The following NIPBL variants were observed in gnomAD, a reference collection of about 807,000 sequenced individuals.
NIPBL encodes NIPBL cohesin loading factor.
A neutral mutation model predicts 321.8 loss-of-function variants in NIPBL; 19 were observed. The ratio of observed to expected loss-of-function variants is 0.06; its 90% CI spans 0.04 to 0.09. The LOEUF is 0.09. Among genes scored for constraint, NIPBL ranks in the 10% least tolerant of loss-of-function variants. The pLI, the probability that NIPBL is intolerant of heterozygous loss-of-function variation, is 1.00. For synonymous variants in NIPBL, 1,106 were observed against 1,114.1 expected (o/e 0.99, Z 0.14); for missense variants, 2,210 against 3,327.0 (o/e 0.66, Z 8.26).
chr5:36,924,266 AATT>A (rs1316296279), intron 1 of NIPBL, among the ~76,000 whole-genome samples: 31 of 152,210 alleles, frequency 2.0e-4, no homozygotes, highest in Non-Finnish European at 4.3e-4. Context: ...ATAAATTATT[AATT>A]ATGGATGATT....
chr5:37,063,743 C>T, intron 45 of NIPBL, 47 bp from the exon 46 acceptor site: 1 of 1,547,242 alleles, frequency 6.5e-7, no homozygotes, highest in Non-Finnish European at 8.8e-7. Context: ...GACAATCTTG[C>T]TTGAAATATT....
intron 11 of NIPBL, among the ~76,000 whole-genome samples, chr5:36,998,160 T>G (rs893666698): frequency 6.6e-6 from 1 of 152,080 alleles, no homozygotes; most frequent in Non-Finnish European, 1.5e-5. Flanking sequence ...TACCTCTCTT[T>G]TGAGTCCTTT....
intron 20 of NIPBL, 86 bp from the exon 21 acceptor site, chr5:37,010,001 A>G (rs1018862637): frequency 9.7e-7 from 1 of 1,032,706 alleles, no homozygotes; most frequent in Non-Finnish European, 1.5e-6. Context: ...ATTGGCAAAC[A>G]CAGTATCGTG....
intron 1 of NIPBL, among the ~76,000 whole-genome samples, chr5:36,892,767 A>G (rs975835048): frequency 6.6e-6 from 1 of 151,952 alleles, no homozygotes; most frequent in Non-Finnish European, 1.5e-5. Flanking sequence ...GAGGGGGAAC[A>G]TCACACACCA....
At position 37,066,390 on chromosome 5, in the gene NIPBL, C is replaced by T. The variant is rs1466831765; in HGVS notation, c.*1498C>T. On this transcript the variant is annotated 3_prime_UTR_variant, in exon 47 of 47. Coordinates refer to ENST00000282516, the MANE Select transcript of NIPBL (RefSeq NM_133433.4). The stretch of plus-strand genomic sequence containing the variant: ...TGCCACAAAATACCTTTTTGTGACA[C>T]CTATTAAACCACTATGAAAATAACT... 6.6e-6 allele frequency: 1 copy of T among 152,124 alleles called. No individual in the cohort carries two copies. Among genetic ancestry groups the T allele is most frequent in the Non-Finnish European group, 1.5e-5 (1 of 68,016 alleles). The allele number at this position is 152,124 out of a possible 1,614,324, so 9.4% of individuals were successfully genotyped here.
intron 6 of NIPBL, among the ~76,000 whole-genome samples, chr5:36,970,411 CTATATA>C (rs34663125): frequency 7.0e-6 from 1 of 143,586 alleles, no homozygotes; most frequent in Admixed American, 7.0e-5. Context: ...GAATTTAAAA[CTATATA>C]TATATATATA....
intron 1 of NIPBL, among the ~76,000 whole-genome samples, chr5:36,900,691 G>GT (rs537917692): frequency 1.8e-4 from 28 of 151,534 alleles, no homozygotes; most frequent in Non-Finnish European, 1.0e-4. Flanking sequence ...GTTTTGTTTT[G>GT]TTTTTTTAAT....
intron 40 of NIPBL, among the ~76,000 whole-genome samples, chr5:37,049,579 T>A (rs895651519): frequency 4.6e-5 from 7 of 152,252 alleles, no homozygotes; most frequent in Admixed American, 4.6e-4. Context: ...TTTGTTTTAA[T>A]TCATATTTAC....
At position 36,970,916 on chromosome 5, in the gene NIPBL, C is replaced by T. The variant is rs776772068; in HGVS notation, c.651C>T (p.Asn217=). The T allele has an allele frequency of 2.5e-6, 4 of 1,613,600 alleles. No homozygotes were observed. In the African/African-American group the frequency reaches 5.3e-5, roughly 22 times the overall value. The change falls in exon 7 of 47, where the codon AAC becomes AAT. Residue 217 remains asparagine (N), a synonymous_variant. Transcript: ENST00000282516. ...CCATTGTTGCAGGTGGTTTGAGAAA[C>T]ATACATGATAATAAAGTTTCTGGTC... The part of the protein sequence containing the change: ...SSPIVAGGLR[N]IHDNKVSGPL...
At chr5:36,918,499 A>G (rs1748658487) in intron 1 of NIPBL, among the ~76,000 whole-genome samples, 1 of 152,032 alleles carries the variant, frequency 6.6e-6, no homozygotes, top group South Asian at 2.1e-4. Flanking sequence ...CTCTTTTCCT[A>G]ATTGAATACC....
At chr5:36,956,085 G>T (rs1309586148) in intron 3 of NIPBL, among the ~76,000 whole-genome samples, 1 of 149,778 alleles carries the variant, frequency 6.7e-6, no homozygotes, top group Non-Finnish European at 1.5e-5. Flanking sequence ...AAAAAAATTA[G>T]CCAGGCGTGG....
intron 6 of NIPBL, among the ~76,000 whole-genome samples, chr5:36,968,212 A>G (rs953730077): frequency 2.0e-5 from 3 of 152,228 alleles, no homozygotes; most frequent in Middle Eastern, 3.4e-3. Context: ...AATTCAGATT[A>G]TGGGCCTGGG....
chr5:37,009,468 CT>C (rs1747838591), intron 20 of NIPBL, among the ~76,000 whole-genome samples: 1 of 152,112 alleles, frequency 6.6e-6, no homozygotes, highest in Non-Finnish European at 1.5e-5. Flanking sequence ...TTGAAGGCTT[CT>C]TTCTTCTCTA....
chr5:37,043,882 C>T (rs563617517), intron 34 of NIPBL, among the ~76,000 whole-genome samples: 49 of 152,296 alleles, frequency 3.2e-4, no homozygotes, highest in Middle Eastern at 3.4e-3. Context: ...CCACTAGATG[C>T]CAGTAGTGGC....
chr5:36,984,986 A>G lies in NIPBL; in HGVS notation c.1806A>G (p.Lys602=), dbSNP rs1282239847. 6.2e-7 allele frequency: 1 copy of G among 1,613,932 alleles called. No homozygotes were observed. Among genetic ancestry groups the G allele is most frequent in the Admixed American group, 1.7e-5 (1 of 59,900 alleles). ...AAAACCATCCTGAGACACCTAAAAA[A>G]AAGTCTGATCCTGAGCTTTCAAAGA... ...TPENHPETPK[K]KSDPELSKSE... is the part of the protein sequence containing the mutation. Residue 602 remains lysine (K), a synonymous_variant, in exon 10 of 47, where the codon AAA becomes AAG. Coordinates refer to ENST00000282516, the MANE Select transcript of NIPBL (RefSeq NM_133433.4).
intron 1 of NIPBL, among the ~76,000 whole-genome samples, chr5:36,935,572 G>A (rs569069266): frequency 6.6e-6 from 1 of 152,218 alleles, no homozygotes; most frequent in South Asian, 2.1e-4. Context: ...CAATACCAGT[G>A]CCAACACAGA....
intron 1 of NIPBL, among the ~76,000 whole-genome samples, chr5:36,915,090 T>C (rs1021782035): frequency 6.6e-6 from 1 of 152,062 alleles, no homozygotes; most frequent in Non-Finnish European, 1.5e-5. Context: ...TCCTTTTTTC[T>C]TGGGCACTTA....
At chr5:36,894,739 T>C (rs901315101) in intron 1 of NIPBL, among the ~76,000 whole-genome samples, 13 of 152,240 alleles carry the variant, frequency 8.5e-5, no homozygotes, top group African/African-American at 3.1e-4. Context: ...CCCAGTTCAC[T>C]TGATCTTTTC....
intron 1 of NIPBL, among the ~76,000 whole-genome samples, chr5:36,930,460 G>A (rs764534734): frequency 1.3e-4 from 19 of 151,770 alleles, no homozygotes; most frequent in Non-Finnish European, 2.7e-4. Context: ...TGGTTTCTTA[G>A]GATTTTCTAC....
Sources: allele counts gnomAD v4.1 joint callset (sites outside exome capture counted in the v4.1 genomes callset), GRCh38; gene constraint gnomAD v4.1.1; transcripts MANE v1.5; gene names NCBI Gene and HGNC (gene_info 2026-07-23, HGNC 2026-07-21).